C4orf51: variants seen among roughly 807,000 people sequenced by gnomAD.
C4orf51 encodes the protein chromosome 4 open reading frame 51.
Under a neutral mutation model 25.2 loss-of-function variants are expected in C4orf51, and 25 were observed. That is an observed-to-expected ratio of 0.99 (90% CI 0.72 to 1.39). The LOEUF is 1.39. Among genes scored for constraint, C4orf51 ranks in the 40% most tolerant of loss-of-function variants. The probability of loss-of-function intolerance (pLI) is 0.00; values close to 1 mark genes in which losing one functional copy is unlikely to be tolerated. For synonymous variants in C4orf51, 100 were observed against 84.5 expected, an observed-to-expected ratio of 1.18 and a Z score of -1.01; for missense variants, 252 against 239.6, an observed-to-expected ratio of 1.05 and a Z score of -0.34.
At chr4:145,706,989 G>A (rs1730849547) in intron 2 of C4orf51, among the ~76,000 whole-genome samples, 1 of 151,924 alleles carries the variant, frequency 6.6e-6, no homozygotes, top group Admixed American at 6.6e-5. Flanking sequence ...TTTATTTTTG[G>A]ATTTTTAATA....
chr4:145,774,368 G>A, downstream of C4orf51: 1 of 933,908 alleles, frequency 1.1e-6, no homozygotes, highest in African/African-American at 1.6e-5. Context: ...TGGCTTTCAT[G>A]CCTTGGGAAA....
Position 145,761,552 on chromosome 4 carries a change from A to G in C4orf51, n.167-9436A>G. On this transcript the variant is annotated intron_variant and non_coding_transcript_variant, in intron 1 of 1. Transcript: ENST00000510096. The surrounding 1 kb of genome is among the most constrained non-coding windows in gnomAD (Gnocchi z 6.8). Reference sequence around the variant, plus strand: ...ATCTTGTAGTGGGTCTTGAGGTGGCACTCCATGGCAGCGGGGCGGTTGGTG... The same window carrying G: ...ATCTTGTAGTGGGTCTTGAGGTGGCGCTCCATGGCAGCGGGGCGGTTGGTG... 7.8e-7 allele frequency: 1 copy of G among 1,281,088 alleles called. No individual in the cohort carries two copies. The highest frequency in any genetic ancestry group is 1.0e-6 in the Non-Finnish European group (1 of 982,310). 79.4% of individuals were successfully genotyped at this position (1,281,088 alleles called of 1,614,324 possible).
intron 1 of C4orf51, among the ~76,000 whole-genome samples, chr4:145,768,895 A>ATTT (rs1273771887): frequency 1.2e-4 from 2 of 16,582 alleles, no homozygotes. Flanking sequence ...AAAAAAATAT[A>ATTT]TATATATATA....
chr4:145,763,495 G>T lies in C4orf51; in HGVS notation n.167-7493G>T, dbSNP rs1156833251. 6.6e-6 allele frequency among the ~76,000 whole-genome samples: 1 copy of T among 152,166 alleles called. No homozygotes were observed. Among genetic ancestry groups the T allele is most frequent in the Non-Finnish European group, 1.5e-5 (1 of 68,028 alleles). On this transcript the variant is annotated intron_variant and non_coding_transcript_variant, in intron 1 of 1. Coordinates refer to the C4orf51 transcript ENST00000510096. The surrounding 1 kb of genome is among the most constrained non-coding windows in gnomAD (Gnocchi z 4.6). Reference sequence around the variant, plus strand: ...TATTACACAGGGGACGGTTAGCACCGCACGGGAAGTGTCTGTACCAGCAAA... The same window carrying T: ...TATTACACAGGGGACGGTTAGCACCTCACGGGAAGTGTCTGTACCAGCAAA...
At chr4:145,733,622 C>G (rs1732634200), downstream of C4orf51, among the ~76,000 whole-genome samples, 1 of 151,140 alleles carries the variant, frequency 6.6e-6, no homozygotes, top group African/African-American at 2.4e-5. Context: ...ATAGAAAATA[C>G]AATTAAAAGT....
intron 2 of C4orf51, among the ~76,000 whole-genome samples, chr4:145,711,272 T>C (rs1344121344): frequency 6.6e-6 from 1 of 152,218 alleles, no homozygotes; most frequent in Non-Finnish European, 1.5e-5. Flanking sequence ...CTAATAAAAC[T>C]ACTTTTCAAA....
rs954966818 is a variant in C4orf51, at chr4:145,765,686, G to C, written n.167-5302G>C. Reference sequence around the variant, plus strand: ...TGTTGGCTGAATCACTCAGAGCTGAGAGGGAGGATGAAGAGGGGCTATTTG... The same window carrying C: ...TGTTGGCTGAATCACTCAGAGCTGACAGGGAGGATGAAGAGGGGCTATTTG... On this transcript the variant is annotated intron_variant and non_coding_transcript_variant, in intron 1 of 1. Coordinates refer to the C4orf51 transcript ENST00000510096. The surrounding 1 kb of genome is among the most constrained non-coding windows in gnomAD (Gnocchi z 4.7). 3 of 1,614,098 alleles carry C rather than the reference G, an allele frequency of 1.9e-6. No individual in the cohort carries two copies. The highest frequency in any genetic ancestry group is 1.7e-5 in the Admixed American group (1 of 60,002).
chr4:145,707,771 G>C (rs1052126800), intron 2 of C4orf51, among the ~76,000 whole-genome samples: 3 of 152,212 alleles, frequency 2.0e-5, no homozygotes, highest in Admixed American at 2.0e-4. Context: ...GAGGAAGGTT[G>C]CTCAGAGAAG....
chr4:145,696,677 G>T (rs746241859), intron 2 of C4orf51, 45 bp downstream of exon 2: 1 of 1,426,946 alleles, frequency 7.0e-7, no homozygotes, highest in Admixed American at 2.1e-5. Flanking sequence ...CTTTTGCCAG[G>T]GTTGCTGTGT....
At chr4:145,715,441 C>T (rs113737084) in intron 2 of C4orf51, among the ~76,000 whole-genome samples, 4 of 152,258 alleles carry the variant, frequency 2.6e-5, no homozygotes, top group African/African-American at 9.6e-5. Flanking sequence ...CTCACTTCTT[C>T]CCGTGGGAAG....
At chr4:145,777,597 T>C in the C4orf51 span, among the ~76,000 whole-genome samples, 1 of 152,224 alleles carries the variant, frequency 6.6e-6, no homozygotes, top group Non-Finnish European at 1.5e-5. Flanking sequence ...CCAATAATTC[T>C]TTAACATCTT....
the C4orf51 span, among the ~76,000 whole-genome samples, chr4:145,786,318 TG>T: frequency 5.9e-5 from 9 of 152,326 alleles, no homozygotes; most frequent in East Asian, 1.7e-3. Flanking sequence ...TCTCTCAACC[TG>T]ATTTTGGTAA....
intron 3 of C4orf51, among the ~76,000 whole-genome samples, chr4:145,727,662 G>A (rs1212640331): frequency 2.0e-5 from 3 of 151,116 alleles, no homozygotes; most frequent in Non-Finnish European, 4.4e-5. Context: ...GATCACCTGA[G>A]GTCAGGAGTT....
downstream of C4orf51, among the ~76,000 whole-genome samples, chr4:145,772,640 C>A (rs75377437): frequency 6.6e-6 from 1 of 152,292 alleles, no homozygotes; most frequent in East Asian, 1.9e-4. Flanking sequence ...GACCTGAAAG[C>A]CTAAAATATT....
intron 2 of C4orf51, among the ~76,000 whole-genome samples, chr4:145,713,382 A>C (rs965489592): frequency 5.3e-5 from 8 of 152,242 alleles, no homozygotes; most frequent in African/African-American, 1.9e-4. Context: ...AAGGAGGTCA[A>C]AATATGAAAA....
rs774962575 is a variant in C4orf51, at chr4:145,762,211, A to G, written n.167-8777A>G. Among the ~76,000 whole-genome samples, 1 of 152,156 alleles carries G rather than the reference A, an allele frequency of 6.6e-6. No homozygotes were observed. Among genetic ancestry groups the G allele is most frequent in the East Asian group, 1.9e-4 (1 of 5,162 alleles). On this transcript the variant is annotated intron_variant and non_coding_transcript_variant, in intron 1 of 1. Coordinates refer to the C4orf51 transcript ENST00000510096. The surrounding 1 kb of genome is among the most constrained non-coding windows in gnomAD (Gnocchi z 4.9). Reference sequence around the variant, plus strand: ...TGAGTGTGTGCATGTGTACATATCTATGTACTCGTAAAACATATCTCCCTA... The same window carrying G: ...TGAGTGTGTGCATGTGTACATATCTGTGTACTCGTAAAACATATCTCCCTA...
At chr4:145,741,019 C>T (rs987327978) in intron 1 of C4orf51, among the ~76,000 whole-genome samples, 1 of 152,018 alleles carries the variant, frequency 6.6e-6, no homozygotes, top group Non-Finnish European at 1.5e-5. Context: ...AAGTGGTGTC[C>T]AGCCTAGAAT....
At chr4:145,735,186 G>A (rs1271661168), downstream of C4orf51, among the ~76,000 whole-genome samples, 2 of 152,182 alleles carry the variant, frequency 1.3e-5, no homozygotes, top group African/African-American at 4.8e-5. Context: ...CTGTTGGAGT[G>A]CTCCTAAGCC....
intron 4 of C4orf51, 27 bp downstream of exon 4, chr4:145,729,256 T>C (rs370804793): frequency 6.9e-7 from 1 of 1,442,082 alleles, no homozygotes; most frequent in Non-Finnish European, 9.7e-7. Flanking sequence ...ACTACTACTT[T>C]ACATCCATTT....
Sources: allele counts gnomAD v4.1 joint callset (sites outside exome capture counted in the v4.1 genomes callset), GRCh38; gene constraint gnomAD v4.1.1; non-coding constraint Gnocchi (gnomAD v3.1); transcripts MANE v1.5; gene names NCBI Gene and HGNC (gene_info 2026-07-23, HGNC 2026-07-21).